MACO1: variants seen among roughly 807,000 people sequenced by gnomAD.
MACO1 encodes macoilin.
A neutral mutation model predicts 78.7 loss-of-function variants in MACO1; 14 were observed. That is an observed-to-expected ratio of 0.18 (90% CI 0.12 to 0.28). MACO1 has a LOEUF of 0.28. Ranked by LOEUF, MACO1 falls within the 10% of genes least tolerant of loss-of-function variation. The probability of loss-of-function intolerance (pLI) is 1.00; values close to 1 mark genes in which losing one functional copy is unlikely to be tolerated. For synonymous variants in MACO1, 288 were observed against 291.6 expected, an observed-to-expected ratio of 0.99 and a Z score of 0.12; for missense variants, 501 against 799.0, an observed-to-expected ratio of 0.63 and a Z score of 4.50.
chr1:25,484,305 A>C, intron 7 of MACO1, 31 bp downstream of exon 7: 1 of 1,545,656 alleles, frequency 6.5e-7, no homozygotes, highest in Non-Finnish European at 8.7e-7. Flanking sequence ...TTTGGCCGTA[A>C]GCCCGGCAGC....
At chr1:25,452,200 ATACT>A (rs1557662095) in intron 3 of MACO1, among the ~76,000 whole-genome samples, 1 of 152,162 alleles carries the variant, frequency 6.6e-6, no homozygotes, top group African/African-American at 2.4e-5. Flanking sequence ...TAGTTTGAAG[ATACT>A]ATGATTTTTC....
chr1:25,468,897 G>A (rs1345329827), intron 6 of MACO1, among the ~76,000 whole-genome samples: 1 of 152,208 alleles, frequency 6.6e-6, no homozygotes, highest in Non-Finnish European at 1.5e-5. Context: ...CGCCCAGGCT[G>A]AAGTGCAGTG....
intron 1 of MACO1, among the ~76,000 whole-genome samples, chr1:25,445,562 T>C (rs2043008617): frequency 6.6e-6 from 1 of 152,092 alleles, no homozygotes; most frequent in Non-Finnish European, 1.5e-5. Context: ...TTTTTCTTTT[T>C]TCTTTTTTTC....
chr1:25,483,635 C>T (rs752233239), intron 6 of MACO1, among the ~76,000 whole-genome samples: 27 of 152,266 alleles, frequency 1.8e-4, no homozygotes, highest in Non-Finnish European at 3.5e-4. Context: ...TGGAGGTCGT[C>T]GCAGACCGTT....
chr1:25,466,956 G>A lies in MACO1; in HGVS notation c.1154+8064G>A, dbSNP rs533793157. Among the ~76,000 whole-genome samples the A allele has an allele frequency of 3.9e-5, 6 of 152,152 alleles. No homozygotes were observed. In the East Asian group the frequency reaches 5.8e-4, roughly 15 times the overall value. On this transcript the variant is annotated intron_variant, in intron 6 of 10. Coordinates refer to ENST00000374343, the MANE Select transcript of MACO1 (RefSeq NM_018202.6). Reference sequence around the variant, plus strand: ...GGAATATTCCATGGCAGGCCAGTGCGATCATTCAGAAATCATGCTCGGCCG... The same window carrying A: ...GGAATATTCCATGGCAGGCCAGTGCAATCATTCAGAAATCATGCTCGGCCG...
intron 6 of MACO1, among the ~76,000 whole-genome samples, chr1:25,483,737 GT>G (rs1328498619): frequency 1.2e-4 from 19 of 152,322 alleles, no homozygotes; most frequent in Admixed American, 8.5e-4. Flanking sequence ...TCATGTGCTA[GT>G]TGTTTGAACA....
At chr1:25,433,132 G>C (rs1239294541) in intron 1 of MACO1, among the ~76,000 whole-genome samples, 1 of 152,178 alleles carries the variant, frequency 6.6e-6, no homozygotes, top group Non-Finnish European at 1.5e-5. Flanking sequence ...CATTCTTTAA[G>C]TTAAATGTTA....
At chr1:25,431,707 A>G (rs1224679253) in intron 1 of MACO1, among the ~76,000 whole-genome samples, 1 of 152,144 alleles carries the variant, frequency 6.6e-6, no homozygotes. Context: ...GCCTGGGGCC[A>G]TGCTGTCACT....
At chr1:25,452,291 A>C (rs1183078088) in intron 3 of MACO1, among the ~76,000 whole-genome samples, 1 of 152,216 alleles carries the variant, frequency 6.6e-6, no homozygotes, top group African/African-American at 2.4e-5. Context: ...CATGTAGTCC[A>C]CATTCATAAA....
intron 1 of MACO1, among the ~76,000 whole-genome samples, chr1:25,432,779 A>G (rs2042887287): frequency 6.6e-6 from 1 of 152,236 alleles, no homozygotes; most frequent in South Asian, 2.1e-4. Flanking sequence ...AATAGCTGCT[A>G]TTTACAGTAA....
intron 6 of MACO1, among the ~76,000 whole-genome samples, chr1:25,463,714 C>T (rs1057126558): frequency 3.9e-5 from 6 of 152,152 alleles, no homozygotes; most frequent in African/African-American, 1.4e-4. Context: ...AAAATCATTA[C>T]AATTTTAGAT....
chr1:25,452,405 A>G (rs1284820012), intron 3 of MACO1, among the ~76,000 whole-genome samples: 1 of 152,198 alleles, frequency 6.6e-6, no homozygotes, highest in Non-Finnish European at 1.5e-5. Flanking sequence ...ATTTTGTTGC[A>G]AGTTGCTTTT....
At chr1:25,492,509 C>T (rs2043495917) in intron 10 of MACO1, among the ~76,000 whole-genome samples, 2 of 151,920 alleles carry the variant, frequency 1.3e-5, no homozygotes, top group African/African-American at 4.8e-5. Context: ...AAGTGAAAAG[C>T]CCGGCAGGGG....
In MACO1 at chr1:25,451,165, C is replaced by T. The variant is rs77454763; in HGVS notation, c.349+2231C>T. On this transcript the variant is annotated intron_variant, in intron 3 of 10. Transcript: ENST00000374343. The stretch of plus-strand genomic sequence containing the variant: ...TTGGGATGACTAGTGCTTAAACAAA[C>T]GAAACAAAAAACTACTCTTATTGGG... Among the ~76,000 whole-genome samples, 1,442 of 152,178 alleles carry T rather than the reference C, an allele frequency of 9.5e-3. 18 individuals carry two copies. Among genetic ancestry groups the T allele is most frequent in the African/African-American group, 0.031 (1,283 of 41,514 alleles).
chr1:25,468,310 G>T (rs1003143485), intron 6 of MACO1, among the ~76,000 whole-genome samples: 5 of 152,124 alleles, frequency 3.3e-5, no homozygotes, highest in Non-Finnish European at 7.3e-5. Context: ...CCACAGCATG[G>T]GAATTGTTCT....
intron 6 of MACO1, among the ~76,000 whole-genome samples, chr1:25,465,528 C>T (rs963306880): frequency 3.3e-5 from 5 of 152,102 alleles, no homozygotes; most frequent in African/African-American, 7.2e-5. Flanking sequence ...ATTTGCATTT[C>T]CCTGGTGACA....
At chr1:25,476,049 A>G (rs1412623020) in intron 6 of MACO1, among the ~76,000 whole-genome samples, 1 of 152,214 alleles carries the variant, frequency 6.6e-6, no homozygotes, top group Non-Finnish European at 1.5e-5. Context: ...AAGCTTTTAC[A>G]TAAGATATGA....
intron 2 of MACO1, among the ~76,000 whole-genome samples, chr1:25,448,478 A>T (rs1263195601): frequency 6.6e-6 from 1 of 150,764 alleles, no homozygotes; most frequent in Non-Finnish European, 1.5e-5. Context: ...AAGAAAAAAG[A>T]AAAAAAAAAT....
At chr1:25,473,485 G>GA (rs911682141) in intron 6 of MACO1, among the ~76,000 whole-genome samples, 13 of 150,310 alleles carry the variant, frequency 8.6e-5, no homozygotes, top group East Asian at 3.9e-4. Context: ...ACATAAACAT[G>GA]AAAAAAAAAA....
Sources: allele counts gnomAD v4.1 joint callset (sites outside exome capture counted in the v4.1 genomes callset), GRCh38; gene constraint gnomAD v4.1.1; transcripts MANE v1.5; gene names NCBI Gene and HGNC (gene_info 2026-07-23, HGNC 2026-07-21).